Variants in DPP6 observed in about 807,000 individuals in gnomAD.
The protein encoded by DPP6 is dipeptidyl peptidase like 6, also known as A-type potassium channel modulatory protein DPP6.
Under a neutral mutation model 122.6 loss-of-function variants are expected in DPP6, and 69 were observed. The ratio of observed to expected loss-of-function variants is 0.56; its 90% CI spans 0.46 to 0.69. DPP6 has a LOEUF of 0.69. Ranked by LOEUF, DPP6 falls within the 30% of genes least tolerant of loss-of-function variation. DPP6 has a pLI of 0.00. For missense variants in DPP6, 928 were observed against 1,116.9 expected, an observed-to-expected ratio of 0.83 and a Z score of 2.41; for synonymous variants, 418 against 433.1, an observed-to-expected ratio of 0.97 and a Z score of 0.43.
chr7:154,014,328 AC>A (rs1798296925), intron 1 of DPP6, among the ~76,000 whole-genome samples: 2 of 143,114 alleles, frequency 1.4e-5, no homozygotes, highest in Admixed American at 1.4e-4. Context: ...CTTATCTGTG[AC>A]CATGAATAAG....
intron 1 of DPP6, among the ~76,000 whole-genome samples, chr7:154,306,142 G>A (rs1466535594): frequency 6.6e-6 from 1 of 152,212 alleles, no homozygotes; most frequent in East Asian, 1.9e-4. Flanking sequence ...GGATAAAGGA[G>A]GACTCGGCCG....
intron 1 of DPP6, among the ~76,000 whole-genome samples, chr7:153,925,795 A>G (rs146809092): frequency 6.6e-6 from 1 of 152,304 alleles, no homozygotes; most frequent in East Asian, 1.9e-4. Flanking sequence ...GGCTTCCCTA[A>G]TCTTTCTGAG....
chr7:154,724,482 C>T (rs569915867), intron 7 of DPP6, among the ~76,000 whole-genome samples: 2 of 152,316 alleles, frequency 1.3e-5, no homozygotes, highest in East Asian at 3.9e-4. Flanking sequence ...GCAACAGGCT[C>T]CTCTCATTTG....
At chr7:153,914,877 G>T (rs1159324538) in intron 1 of DPP6, among the ~76,000 whole-genome samples, 1 of 152,180 alleles carries the variant, frequency 6.6e-6, no homozygotes, top group Non-Finnish European at 1.5e-5. Flanking sequence ...TGTCTATGCT[G>T]TGGGGCTCAC....
chr7:154,528,716 T>C (rs192665590), intron 3 of DPP6, among the ~76,000 whole-genome samples: 1 of 152,232 alleles, frequency 6.6e-6, no homozygotes, highest in African/African-American at 2.4e-5. Flanking sequence ...GTGATGAATA[T>C]AAAATAGGAT....
At chr7:153,964,999 T>TCATTTCTTTTCC (rs1795616525) in intron 1 of DPP6, among the ~76,000 whole-genome samples, 6 of 62,426 alleles carry the variant, frequency 9.6e-5, no homozygotes, top group African/African-American at 3.8e-4. Flanking sequence ...TTCCTTCCTT[T>TCATTTCTTTTCC]CTTCCTTCCT....
intron 7 of DPP6, among the ~76,000 whole-genome samples, chr7:154,671,403 C>G (rs2131113739): frequency 6.6e-6 from 1 of 152,142 alleles, no homozygotes; most frequent in East Asian, 1.9e-4. Context: ...TTATAGTAGT[C>G]AGGAGAAGAC....
At chr7:153,833,914 A>T in the DPP6 span, among the ~76,000 whole-genome samples, 1 of 152,154 alleles carries the variant, frequency 6.6e-6, no homozygotes, top group Non-Finnish European at 1.5e-5. Context: ...CAGCATAAGG[A>T]TTTCCATGCC....
chr7:154,292,790 G>A (rs138176274), intron 1 of DPP6, among the ~76,000 whole-genome samples: 51 of 152,250 alleles, frequency 3.3e-4, no homozygotes, highest in East Asian at 1.7e-3. Context: ...ATAGGAAATC[G>A]CGTTTCACAA....
intron 2 of DPP6, among the ~76,000 whole-genome samples, chr7:154,466,568 T>G (rs1363520838): frequency 6.6e-6 from 1 of 152,216 alleles, no homozygotes; most frequent in African/African-American, 2.4e-5. Context: ...TCTTCCTCTT[T>G]TTTAAGTACA....
At position 154,711,182 on chromosome 7, in the gene DPP6, G is replaced by T. The variant is rs61391421; in HGVS notation, c.763-16585G>T. On this transcript the variant is annotated intron_variant, in intron 7 of 25. Coordinates refer to ENST00000377770, the MANE Select transcript of DPP6 (RefSeq NM_130797.4). The stretch of plus-strand genomic sequence containing the variant: ...ATAATTGAAGTTTTTAATTGATATA[G>T]AGAGAGAATCTATTTCCCCCTTAAT... Among the ~76,000 whole-genome samples the T allele has an allele frequency of 8.4e-3, 1,272 of 152,324 alleles. 9 individuals carry two copies. The highest frequency in any genetic ancestry group is 0.022 in the African/African-American group (935 of 41,580).
intron 1 of DPP6, among the ~76,000 whole-genome samples, chr7:153,933,054 C>A (rs1252904377): frequency 6.6e-6 from 1 of 152,202 alleles, no homozygotes; most frequent in Non-Finnish European, 1.5e-5. Context: ...GCTCCTCCTT[C>A]ACCTTCTGCC....
chr7:154,194,151 G>C (rs1028678816), intron 1 of DPP6, among the ~76,000 whole-genome samples: 1 of 152,084 alleles, frequency 6.6e-6, no homozygotes, highest in South Asian at 2.1e-4. Context: ...TGTGAAACCC[G>C]TCCCATTTCC....
chr7:154,883,221 CCACA>C (rs1231220093), intron 21 of DPP6, among the ~76,000 whole-genome samples: 1 of 137,880 alleles, frequency 7.3e-6, no homozygotes, highest in Non-Finnish European at 1.6e-5. Context: ...ACATGCTCAC[CCACA>C]CAATGCTCAC....
At chr7:154,855,782 T>C (rs1050732451) in intron 17 of DPP6, among the ~76,000 whole-genome samples, 2 of 152,256 alleles carry the variant, frequency 1.3e-5, no homozygotes, top group Non-Finnish European at 2.9e-5. Flanking sequence ...GAATTTTCCC[T>C]GAAAAAATGC....
chr7:153,977,099 T>A (rs1016536128), intron 1 of DPP6, among the ~76,000 whole-genome samples: 8 of 152,168 alleles, frequency 5.3e-5, no homozygotes, highest in African/African-American at 1.9e-4. Context: ...GAAATCTTCA[T>A]GTTTTCTTTC....
intron 7 of DPP6, among the ~76,000 whole-genome samples, chr7:154,712,668 T>C (rs1207220424): frequency 1.3e-5 from 2 of 152,116 alleles, no homozygotes; most frequent in Non-Finnish European, 2.9e-5. Context: ...AACCATCAGA[T>C]CTCATGAGAA....
At chr7:154,790,861 G>A (rs1837053614) in intron 10 of DPP6, among the ~76,000 whole-genome samples, 1 of 144,720 alleles carries the variant, frequency 6.9e-6, no homozygotes, top group African/African-American at 2.5e-5. Context: ...GGGGAGGGGA[G>A]GGAGGGAGGG....
chr7:154,731,453 A>C (rs993755919), intron 8 of DPP6, among the ~76,000 whole-genome samples: 1 of 152,254 alleles, frequency 6.6e-6, no homozygotes, highest in Non-Finnish European at 1.5e-5. Context: ...GGGAGTCTCC[A>C]ACCCTTGACC....
Sources: allele counts gnomAD v4.1 joint callset (sites outside exome capture counted in the v4.1 genomes callset), GRCh38; gene constraint gnomAD v4.1.1; transcripts MANE v1.5; gene names NCBI Gene and HGNC (gene_info 2026-07-23, HGNC 2026-07-21).